Variants in FUT8 observed in about 807,000 individuals in gnomAD.
FUT8 encodes fucosyltransferase 8, also known as alpha-(1,6)-fucosyltransferase.
A neutral mutation model predicts 71.3 loss-of-function variants in FUT8; 29 were observed. The ratio of observed to expected loss-of-function variants is 0.41; its 90% CI spans 0.30 to 0.55. The LOEUF (loss-of-function observed/expected upper bound fraction) is 0.55. Ranked by LOEUF, FUT8 falls within the 20% of genes least tolerant of loss-of-function variation. FUT8 has a pLI of 0.34. For missense variants in FUT8, 544 were observed against 702.1 expected (o/e 0.77, Z 2.55); for synonymous variants, 254 against 239.3 (o/e 1.06, Z -0.57).
intron 3 of FUT8, among the ~76,000 whole-genome samples, chr14:65,581,975 C>T (rs944450626): frequency 1.3e-5 from 2 of 152,130 alleles, no homozygotes; most frequent in Admixed American, 6.5e-5. Context: ...GATACAACTA[C>T]TTTGTCTGTT....
At chr14:65,540,564 A>G (rs777436057) in intron 2 of FUT8, among the ~76,000 whole-genome samples, 1 of 152,224 alleles carries the variant, frequency 6.6e-6, no homozygotes, top group African/African-American at 2.4e-5. Flanking sequence ...ACTTTGTGCA[A>G]CCATCATCTC....
At chr14:65,442,523 A>ATACT (rs984593412) in intron 1 of FUT8, among the ~76,000 whole-genome samples, 3 of 151,088 alleles carry the variant, frequency 2.0e-5, no homozygotes, top group African/African-American at 4.9e-5. Context: ...TCATAAATAC[A>ATACT]TACATACATA....
intron 1 of FUT8, among the ~76,000 whole-genome samples, chr14:65,449,244 A>T (rs1290161088): frequency 2.6e-5 from 4 of 152,218 alleles, no homozygotes; most frequent in African/African-American, 4.8e-5. Flanking sequence ...AGTAATGTTA[A>T]TTGTTAGAAT....
intron 7 of FUT8, among the ~76,000 whole-genome samples, chr14:65,700,146 G>A (rs1011942085): frequency 3.9e-5 from 6 of 151,906 alleles, no homozygotes; most frequent in Non-Finnish European, 8.8e-5. Flanking sequence ...GAGCATTTTG[G>A]GTTATATCAC....
chr14:65,444,838 G>GA (rs1221807632), intron 1 of FUT8, among the ~76,000 whole-genome samples: 6 of 152,170 alleles, frequency 3.9e-5, no homozygotes, highest in African/African-American at 1.4e-4. Context: ...ACAGTGTTGG[G>GA]AGGGGGGCCC....
chr14:65,545,628 T>C (rs1594757116), intron 2 of FUT8, among the ~76,000 whole-genome samples: 1 of 151,990 alleles, frequency 6.6e-6, no homozygotes, highest in African/African-American at 2.4e-5. Flanking sequence ...ATAATGATTT[T>C]GGTTTTTACT....
At chr14:65,506,028 G>A (rs996136434) in intron 2 of FUT8, among the ~76,000 whole-genome samples, 1 of 152,192 alleles carries the variant, frequency 6.6e-6, no homozygotes, top group African/African-American at 2.4e-5. Flanking sequence ...AGAGGTGACT[G>A]TTGTACCTAA....
chr14:65,706,406 CT>C (rs1894554323), intron 7 of FUT8, among the ~76,000 whole-genome samples: 1 of 152,192 alleles, frequency 6.6e-6, no homozygotes, highest in Admixed American at 6.5e-5. Context: ...TTTCAGCGAT[CT>C]CCCCTTTGCT....
rs1481567441 is a variant in FUT8 at position 65,616,216 on chromosome 14, G to C, written c.325G>C (p.Gly109Arg). 6.2e-7 allele frequency: 1 copy of C among 1,605,396 alleles called. No homozygotes were observed. Among genetic ancestry groups the C allele is most frequent in the Non-Finnish European group, 8.5e-7 (1 of 1,176,424 alleles). The change falls in exon 5 of 11, where the codon GGG (glycine) becomes CGG (arginine). Residue 109 changes from glycine to arginine, a missense_variant. By Grantham distance (125) the Gly-to-Arg change is moderately radical. Transcript: ENST00000673929. ...TCTCTATTCTTTGACTACAGGTCTGGGGAAGGATCATGAAATCCTGAGGAG... is the reference window on the plus strand; with the variant it reads ...TCTCTATTCTTTGACTACAGGTCTGCGGAAGGATCATGAAATCCTGAGGAG... The part of the protein sequence containing the change: ...NYKKQTRNGL[G>R]KDHEILRRRI...
At chr14:65,455,044 G>A (rs2065877262) in intron 1 of FUT8, among the ~76,000 whole-genome samples, 1 of 152,012 alleles carries the variant, frequency 6.6e-6, no homozygotes, top group African/African-American at 2.4e-5. Context: ...GAAAGTTGAT[G>A]GATATGCATT....
chr14:65,611,951 G>A (rs1889023030), intron 3 of FUT8, among the ~76,000 whole-genome samples: 1 of 152,108 alleles, frequency 6.6e-6, no homozygotes, highest in Non-Finnish European at 1.5e-5. Context: ...GTGAGCCACC[G>A]CACCTGGCCT....
At position 65,697,565 on chromosome 14, in the gene FUT8, C is replaced by T. The variant is rs376815237; in HGVS notation, c.836-24210C>T. ...CTGTTGAGTATGAATTGAGCTAAAA[C>T]GTGAAAATTCTCTGGAACTGAAGAA... On this transcript the variant is annotated intron_variant, in intron 7 of 10. Coordinates refer to ENST00000673929, the MANE Select transcript of FUT8 (RefSeq NM_001371533.1). Among the ~76,000 whole-genome samples, 13 of 152,230 alleles carry T rather than the reference C, an allele frequency of 8.5e-5. No individual in the cohort carries two copies. In the East Asian group the frequency reaches 9.6e-4, roughly 11 times the overall value.
intron 6 of FUT8, among the ~76,000 whole-genome samples, chr14:65,634,039 G>C (rs531940901): frequency 6.6e-6 from 1 of 152,172 alleles, no homozygotes; most frequent in African/African-American, 2.4e-5. Context: ...CCCTCTGCCC[G>C]GCCACCACCC....
intron 6 of FUT8, among the ~76,000 whole-genome samples, chr14:65,648,466 G>T (rs1052590606): frequency 6.6e-6 from 1 of 152,050 alleles, no homozygotes; most frequent in Non-Finnish European, 1.5e-5. Flanking sequence ...ATTTTTACTC[G>T]TTAGAGCAAC....
At chr14:65,430,269 A>G (rs535370889) in intron 1 of FUT8, 1 of 151,726 alleles carries the variant, frequency 6.6e-6, no homozygotes, top group South Asian at 2.1e-4. Flanking sequence ...AGCTCAAGCG[A>G]CCTGCCCACC....
At chr14:65,410,624 C>T (rs1216278609), upstream of FUT8, 2 of 133,452 alleles carry the variant, frequency 1.5e-5, no homozygotes, top group Non-Finnish European at 3.1e-5. Context: ...AAAATAAGTG[C>T]TTTAATTCCT....
At chr14:65,640,004 A>T (rs1036492485) in intron 6 of FUT8, among the ~76,000 whole-genome samples, 3 of 152,160 alleles carry the variant, frequency 2.0e-5, no homozygotes, top group African/African-American at 7.2e-5. Flanking sequence ...CATTTAAAAA[A>T]TGATTATGAA....
chr14:65,577,946 A>G (rs1886881215), intron 3 of FUT8, among the ~76,000 whole-genome samples: 1 of 152,112 alleles, frequency 6.6e-6, no homozygotes, highest in Non-Finnish European at 1.5e-5. Flanking sequence ...AGCTTTATTT[A>G]GAATATAGAA....
At position 65,550,525 on chromosome 14, in the gene FUT8, AATAT is replaced by A. The variant is rs1239931519; in HGVS notation, c.-227-10807_-227-10804del. On this transcript the variant is annotated intron_variant, in intron 2 of 10. Transcript: ENST00000673929. The surrounding 1 kb of genome is among the most constrained non-coding windows in gnomAD (Gnocchi z 4.5). ...GGGTTACTCAGAGTGGTTTCTACTGAATATATATTGCTTTTATACCATCATAAAG... is the reference window on the plus strand; with the variant it reads ...GGGTTACTCAGAGTGGTTTCTACTGAATATTGCTTTTATACCATCATAAAG... Among the ~76,000 whole-genome samples the A allele has an allele frequency of 1.3e-5, 2 of 152,324 alleles. No individual in the cohort carries two copies. The highest frequency in any genetic ancestry group is 4.1e-4 in the South Asian group (2 of 4,826).
Sources: allele counts gnomAD v4.1 joint callset (sites outside exome capture counted in the v4.1 genomes callset), GRCh38; gene constraint gnomAD v4.1.1; non-coding constraint Gnocchi (gnomAD v3.1); transcripts MANE v1.5; gene names NCBI Gene and HGNC (gene_info 2026-07-23, HGNC 2026-07-21).